Variants in KSR2 observed in about 807,000 individuals in gnomAD.
KSR2 encodes the protein kinase suppressor of ras 2.
A neutral mutation model predicts 107.8 loss-of-function variants in KSR2; 25 were observed. That is an observed-to-expected ratio of 0.23 (90% CI 0.17 to 0.32). The LOEUF (loss-of-function observed/expected upper bound fraction) is 0.32, where lower values mean the gene tolerates loss of function less well. KSR2 is among the 10% of genes least tolerant of loss of function. The pLI is 1.00. For missense variants in KSR2, 887 were observed against 1,268.9 expected (o/e 0.70, Z 4.57); for synonymous variants, 480 against 507.0 (o/e 0.95, Z 0.71).
chr12:117,821,905 G>C (rs924665059), intron 3 of KSR2, among the ~76,000 whole-genome samples: 2 of 152,096 alleles, frequency 1.3e-5, no homozygotes, highest in Non-Finnish European at 2.9e-5. Flanking sequence ...AAACCTACTG[G>C]GCTGCATTCC....
intron 1 of KSR2, among the ~76,000 whole-genome samples, chr12:117,881,696 G>C (rs1894032335): frequency 6.6e-6 from 1 of 152,178 alleles, no homozygotes; most frequent in Non-Finnish European, 1.5e-5. Flanking sequence ...CTTGCACAAT[G>C]CCAGCTGGAC....
chr12:117,794,358 C>CAT (rs1890504477), intron 3 of KSR2, among the ~76,000 whole-genome samples: 4 of 111,430 alleles, frequency 3.6e-5, no homozygotes, highest in African/African-American at 7.1e-5. Context: ...AACAGGCACA[C>CAT]ACACCAACAT....
intron 3 of KSR2, among the ~76,000 whole-genome samples, chr12:117,836,854 G>A (rs1474990544): frequency 6.6e-6 from 1 of 152,222 alleles, no homozygotes; most frequent in Admixed American, 6.5e-5. Flanking sequence ...ATGCAGCTGG[G>A]GGTGCCCCAG....
intron 14 of KSR2, among the ~76,000 whole-genome samples, chr12:117,503,231 T>C (rs1230147546): frequency 3.9e-5 from 6 of 152,272 alleles, no homozygotes; most frequent in South Asian, 4.1e-4. Flanking sequence ...TAAAAATCAA[T>C]GCAGGTAGAC....
At chr12:117,527,320 C>G (rs977147689) in intron 12 of KSR2, among the ~76,000 whole-genome samples, 61 of 133,690 alleles carry the variant, frequency 4.6e-4, no homozygotes, top group African/African-American at 2.0e-3. Context: ...CACACACACA[C>G]ACACAGACAC....
chr12:117,862,728 C>CTTTT (rs60357744), intron 1 of KSR2, among the ~76,000 whole-genome samples: 4 of 135,570 alleles, frequency 3.0e-5, no homozygotes, highest in Non-Finnish European at 6.3e-5. Context: ...CATTCCCCCC[C>CTTTT]TTTTTTTTTT....
At chr12:117,472,079 T>G (rs1871495597) in intron 17 of KSR2, among the ~76,000 whole-genome samples, 1 of 152,104 alleles carries the variant, frequency 6.6e-6, no homozygotes, top group Non-Finnish European at 1.5e-5. Flanking sequence ...CTATTTATAC[T>G]AGTAGTATAA....
At chr12:117,655,301 G>A (rs891680340) in intron 5 of KSR2, among the ~76,000 whole-genome samples, 3 of 152,188 alleles carry the variant, frequency 2.0e-5, no homozygotes, top group African/African-American at 7.2e-5. Flanking sequence ...CTAAAGAAGT[G>A]TGGCATGGGC....
intron 4 of KSR2, among the ~76,000 whole-genome samples, chr12:117,672,373 T>A (rs1233681201): frequency 6.6e-6 from 1 of 152,194 alleles, no homozygotes; most frequent in Non-Finnish European, 1.5e-5. Flanking sequence ...GATTGTGACC[T>A]TGAGAAAGTG....
At chr12:117,690,785 G>A (rs1214505189) in intron 4 of KSR2, among the ~76,000 whole-genome samples, 4 of 152,088 alleles carry the variant, frequency 2.6e-5, no homozygotes, top group Admixed American at 6.5e-5. Context: ...CAACAAAAAC[G>A]AGTTGTCATC....
intron 4 of KSR2, among the ~76,000 whole-genome samples, chr12:117,709,845 G>C (rs76750862): frequency 0.016 from 2,408 of 152,310 alleles, 35 homozygotes; most frequent in Non-Finnish European, 0.023. Context: ...CACCCCAAGT[G>C]ACAACCAAAA....
At chr12:117,775,387 A>G (rs575639164) in intron 3 of KSR2, among the ~76,000 whole-genome samples, 21 of 152,376 alleles carry the variant, frequency 1.4e-4, no homozygotes, top group African/African-American at 4.8e-4. Flanking sequence ...AAACATTCTT[A>G]GTAATGGCCA....
intron 4 of KSR2, among the ~76,000 whole-genome samples, chr12:117,673,640 G>A (rs561846125): frequency 2.6e-5 from 4 of 152,224 alleles, no homozygotes; most frequent in African/African-American, 9.6e-5. Context: ...GACAAGATGT[G>A]GGATTCACCT....
At chr12:117,714,934 C>A (rs999713511) in intron 4 of KSR2, among the ~76,000 whole-genome samples, 3 of 152,094 alleles carry the variant, frequency 2.0e-5, no homozygotes, top group Non-Finnish European at 4.4e-5. Context: ...TTTGCAGTCA[C>A]CCCATCATGT....
At chr12:117,557,120 G>A (rs993779109) in intron 8 of KSR2, among the ~76,000 whole-genome samples, 11 of 152,098 alleles carry the variant, frequency 7.2e-5, no homozygotes, top group African/African-American at 1.4e-4. Context: ...AGCTGAGATC[G>A]CACCACTGCA....
chr12:117,710,107 A>G (rs1886699758), intron 4 of KSR2, among the ~76,000 whole-genome samples: 1 of 152,146 alleles, frequency 6.6e-6, no homozygotes, highest in Admixed American at 6.5e-5. Flanking sequence ...GGAATATTGA[A>G]TCGAGCCCTG....
chr12:117,478,446 C>A (rs1871938711), intron 16 of KSR2, among the ~76,000 whole-genome samples: 4 of 150,708 alleles, frequency 2.7e-5, no homozygotes, highest in Admixed American at 2.7e-4. Flanking sequence ...ATTTTAGAGA[C>A]AAGGTCTGCT....
intron 1 of KSR2, among the ~76,000 whole-genome samples, chr12:117,954,692 T>A (rs558477062): frequency 5.2e-4 from 79 of 152,134 alleles, no homozygotes; most frequent in Admixed American, 1.7e-3. Context: ...GCAGTGGGGA[T>A]GATCATCAAA....
At chr12:117,733,016 G>A (rs1321838797) in intron 4 of KSR2, among the ~76,000 whole-genome samples, 1 of 152,188 alleles carries the variant, frequency 6.6e-6, no homozygotes. Flanking sequence ...ACGCTCTGCT[G>A]TGTCCTGGGA....
Sources: allele counts gnomAD v4.1 joint callset (sites outside exome capture counted in the v4.1 genomes callset), GRCh38; gene constraint gnomAD v4.1.1; transcripts MANE v1.5; gene names NCBI Gene and HGNC (gene_info 2026-07-23, HGNC 2026-07-21).